Variants in OPHN1 observed in about 807,000 individuals in gnomAD.
The protein encoded by OPHN1 is oligophrenin 1, also known as oligophrenin-1.
Under a neutral mutation model 60.7 loss-of-function variants are expected in OPHN1, and 11 were observed. The observed-to-expected ratio is 0.18, with a 90% CI of 0.11 to 0.30. The LOEUF (loss-of-function observed/expected upper bound fraction) is 0.30, where lower values mean the gene tolerates loss of function less well. Ranked by LOEUF, OPHN1 falls within the 10% of genes least tolerant of loss-of-function variation. The pLI, the probability that OPHN1 is intolerant of heterozygous loss-of-function variation, is 1.00. For missense variants in OPHN1, 449 were observed against 611.0 expected, an observed-to-expected ratio of 0.73 and a Z score of 2.80; for synonymous variants, 226 against 222.6, an observed-to-expected ratio of 1.02 and a Z score of -0.14.
intron 2 of OPHN1, among the ~76,000 whole-genome samples, chrX:68,416,573 C>T (rs1213855987): frequency 2.7e-5 from 3 of 111,478 alleles, no homozygotes; most frequent in African/African-American, 6.5e-5. Flanking sequence ...TGTCAGGCCC[C>T]GGGGTAGGCA....
chrX:68,220,316 G>T (rs921528300), intron 6 of OPHN1, among the ~76,000 whole-genome samples: 18 of 107,164 alleles, frequency 1.7e-4, no homozygotes, highest in Non-Finnish European at 2.9e-4. Flanking sequence ...AAGAGTCCAG[G>T]ACCAGATGGA....
Position 68,237,256 on chromosome X carries a change from A to T in OPHN1, c.385-2668T>A, listed in dbSNP as rs76484687. 3.2e-4 allele frequency among the ~76,000 whole-genome samples: 36 copies of T among 112,928 alleles called. No homozygotes were observed. The East Asian group carries it at 0.01, about 31-fold the overall frequency. ...CACCTCAGCCTCCCAAAGTGTTGGA[A>T]TTACAGGCGTGAGCCACAACGCCCG... is the stretch of plus-strand genomic sequence containing the variant. On this transcript the variant is annotated intron_variant, in intron 5 of 24. Coordinates refer to ENST00000355520, the MANE Select transcript of OPHN1 (RefSeq NM_002547.3).
intron 3 of OPHN1, 22 bp downstream of exon 3, chrX:68,298,979 C>T (rs770714877): frequency 9.7e-7 from 1 of 1,033,727 alleles, no homozygotes; most frequent in South Asian, 1.9e-5. Context: ...AGGTATATGA[C>T]CACATGTAGC....
At chrX:68,117,308 C>A (rs1321355576) in intron 16 of OPHN1, among the ~76,000 whole-genome samples, 1 of 111,633 alleles carries the variant, frequency 9.0e-6, no homozygotes, top group East Asian at 2.8e-4. Flanking sequence ...CAGTTCAAAC[C>A]TCAGTTTAAA....
chrX:68,147,727 T>A (rs761539561), intron 15 of OPHN1, among the ~76,000 whole-genome samples: 1 of 112,121 alleles, frequency 8.9e-6, no homozygotes, highest in Non-Finnish European at 1.9e-5. Flanking sequence ...GCTATTCCTG[T>A]TATCATAAAA....
chrX:68,145,727 T>G (rs1165646267), intron 15 of OPHN1, among the ~76,000 whole-genome samples: 1 of 111,993 alleles, frequency 8.9e-6, no homozygotes, highest in Non-Finnish European at 1.9e-5. Flanking sequence ...CATAAATGCA[T>G]TTTTTAGCAG....
intron 2 of OPHN1, among the ~76,000 whole-genome samples, chrX:68,327,797 T>TAAAAAAAAAAAAAA (rs35324033): frequency 1.5e-5 from 1 of 67,397 alleles, no homozygotes; most frequent in Non-Finnish European, 2.8e-5. Flanking sequence ...ATAAAAAAAA[T>TAAAAAAAAAAAAAA]AAAAAAAAAA....
At chrX:68,245,994 G>A (rs1356371975) in intron 5 of OPHN1, among the ~76,000 whole-genome samples, 1 of 110,784 alleles carries the variant, frequency 9.0e-6, no homozygotes, top group Non-Finnish European at 1.9e-5. Flanking sequence ...TAGTAGAGAC[G>A]GGGTTTCACC....
intron 15 of OPHN1, among the ~76,000 whole-genome samples, chrX:68,191,916 C>A (rs1251563646): frequency 9.0e-6 from 1 of 111,425 alleles, no homozygotes; most frequent in East Asian, 2.8e-4. Flanking sequence ...AATTGATCCA[C>A]AAATAACTGC....
At chrX:68,420,422 C>G (rs1261636888) in intron 2 of OPHN1, among the ~76,000 whole-genome samples, 1 of 111,736 alleles carries the variant, frequency 8.9e-6, no homozygotes, top group African/African-American at 3.3e-5. Context: ...CACATTTCTT[C>G]CCTGTTTAGT....
intron 15 of OPHN1, among the ~76,000 whole-genome samples, chrX:68,181,248 G>A (rs2077435295): frequency 9.0e-6 from 1 of 110,879 alleles, no homozygotes; most frequent in African/African-American, 3.3e-5. Flanking sequence ...CAAATTCCCT[G>A]TTTAAAATCC....
chrX:68,206,604 G>T lies in OPHN1; in HGVS notation c.902C>A (p.Thr301Lys). 1 of 1,210,308 alleles carries T rather than the reference G, an allele frequency of 8.3e-7. No homozygotes were observed. The highest frequency in any genetic ancestry group is 1.1e-6 in the Non-Finnish European group (1 of 894,202). ...YEKETKTLTM[T>K]PMEQKPGAKQ... The stretch of plus-strand genomic sequence containing the variant: ...AGCACCTGGCTTCTGCTCCATAGGC[G>T]TCATGGTCAGTGTTTTGGTCTCTTT... The change falls in exon 10 of 25, where the codon ACG (threonine) becomes AAG (lysine). Residue 301 changes from threonine to lysine, a missense_variant. Physicochemically the swap from Thr to Lys is moderately conservative, Grantham distance 78. This residue lies in a region of OPHN1 where 166 missense variants were observed against 278.4 expected (regional missense o/e 0.60). Transcript: ENST00000355520.
At chrX:68,425,196 T>A (rs1278325070) in intron 2 of OPHN1, among the ~76,000 whole-genome samples, 1 of 111,587 alleles carries the variant, frequency 9.0e-6, no homozygotes, top group African/African-American at 3.3e-5. Context: ...GGGAATCAGG[T>A]GGAGACCTAC....
intron 3 of OPHN1, among the ~76,000 whole-genome samples, chrX:68,287,039 A>C (rs1188565501): frequency 9.6e-6 from 1 of 104,556 alleles, no homozygotes; most frequent in Non-Finnish European, 2.0e-5. Context: ...GGAAGGCAGG[A>C]AGGAAGGAAA....
At chrX:68,082,498 C>A (rs2076977704) in intron 19 of OPHN1, among the ~76,000 whole-genome samples, 1 of 112,426 alleles carries the variant, frequency 8.9e-6, no homozygotes, top group South Asian at 3.7e-4. Context: ...AAACAACATT[C>A]ATTAATCTCC....
chrX:68,330,535 G>C lies in OPHN1; in HGVS notation c.155-31439C>G, dbSNP rs182450156. Among the ~76,000 whole-genome samples the C allele has an allele frequency of 2.6e-3, 287 of 111,202 alleles. 2 individuals are homozygous for C. Among genetic ancestry groups the C allele is most frequent in the Non-Finnish European group, 4.4e-3 (232 of 53,129 alleles). ...TTAATGAATCCCAGCATGGCAACAA[G>C]TGCCTTTAGTTCCAGCTACTTGGGA... On this transcript the variant is annotated intron_variant, in intron 2 of 24. Transcript: ENST00000355520.
chrX:68,131,028 G>A (rs138809851), intron 15 of OPHN1, among the ~76,000 whole-genome samples: 240 of 110,520 alleles, frequency 2.2e-3, no homozygotes, highest in African/African-American at 7.6e-3. Context: ...AGAGAAGATG[G>A]CAAAAAATAA....
At chrX:68,325,074 A>T (rs2078254216) in intron 2 of OPHN1, among the ~76,000 whole-genome samples, 1 of 111,052 alleles carries the variant, frequency 9.0e-6, no homozygotes, top group South Asian at 3.8e-4. Context: ...ACAATATTGA[A>T]AGATACAAAT....
At chrX:68,313,549 TG>T (rs1440414834) in intron 2 of OPHN1, among the ~76,000 whole-genome samples, 3 of 111,585 alleles carry the variant, frequency 2.7e-5, no homozygotes, top group Non-Finnish European at 3.8e-5. Context: ...CCAACAACAA[TG>T]GATGGAACTG....
Sources: allele counts gnomAD v4.1 joint callset (sites outside exome capture counted in the v4.1 genomes callset), GRCh38; gene constraint gnomAD v4.1.1; regional missense constraint gnomAD v4.1.1; transcripts MANE v1.5; gene names NCBI Gene and HGNC (gene_info 2026-07-23, HGNC 2026-07-21).